The following SERPINB7 variants were observed in gnomAD, a reference collection of about 807,000 sequenced individuals.
The protein encoded by SERPINB7 is serpin B7.
A neutral mutation model predicts 37.4 loss-of-function variants in SERPINB7; 31 were observed. The observed-to-expected ratio is 0.83, with a 90% CI of 0.62 to 1.12. The LOEUF is 1.12. Ranked by LOEUF, SERPINB7 falls within the 50% of genes most tolerant of loss-of-function variation. The pLI is 0.00. For synonymous variants in SERPINB7, 163 were observed against 166.1 expected, an observed-to-expected ratio of 0.98 and a Z score of 0.14; for missense variants, 521 against 455.3, an observed-to-expected ratio of 1.14 and a Z score of -1.31.
chr18:63,782,859 C>T (rs2049315050), intron 2 of SERPINB7, among the ~76,000 whole-genome samples: 1 of 152,108 alleles, frequency 6.6e-6, no homozygotes, highest in Non-Finnish European at 1.5e-5. Flanking sequence ...CAAATGCTGG[C>T]CGGGCGCGGT....
At chr18:63,769,678 C>A (rs559564741) in intron 1 of SERPINB7, among the ~76,000 whole-genome samples, 3 of 152,072 alleles carry the variant, frequency 2.0e-5, no homozygotes, top group Non-Finnish European at 4.4e-5. Flanking sequence ...TGTAGTCCTA[C>A]TCTCATCTGC....
chr18:63,793,413 T>C, intron 4 of SERPINB7, 136 bp downstream of exon 4: 3 of 467,508 alleles, frequency 6.4e-6, no homozygotes, highest in Admixed American at 3.7e-5. Flanking sequence ...CTCAGATGTC[T>C]TGAATATATC....
In SERPINB7 at chr18:63,783,217, AGAGAGAGAGAGAGAG is replaced by A. The variant is rs1568207724; in HGVS notation, c.168+678_168+692del. Among the ~76,000 whole-genome samples the A allele has an allele frequency of 2.5e-3, 190 of 77,436 alleles. 1 individual carries two copies. Among genetic ancestry groups the A allele is most frequent in the South Asian group, 3.8e-3 (7 of 1,848 alleles). The allele number at this position is 77,436 out of a possible 152,430, so 50.8% of individuals were successfully genotyped here. Reference sequence around the variant, plus strand: ...GAGAGAGAGAGAGAGAGAGAGAGAGAGAGAGAGAGAGAGAGAGAAAGAAAGAAAGAAAGAAAGAAA... The same window carrying A: ...GAGAGAGAGAGAGAGAGAGAGAGAGAAGAAAGAAAGAAAGAAAGAAAGAAA... On this transcript the variant is annotated intron_variant, in intron 2 of 7. Coordinates refer to ENST00000398019, the MANE Select transcript of SERPINB7 (RefSeq NM_003784.4).
At chr18:63,776,915 G>A (rs555548754) in intron 1 of SERPINB7, among the ~76,000 whole-genome samples, 2 of 152,062 alleles carry the variant, frequency 1.3e-5, no homozygotes, top group East Asian at 3.9e-4. Context: ...CCCTCTCCAT[G>A]TGTTCAATAT....
intron 2 of SERPINB7, among the ~76,000 whole-genome samples, chr18:63,786,140 T>TACAC (rs71162679): frequency 3.5e-5 from 4 of 115,812 alleles, no homozygotes; most frequent in African/African-American, 1.4e-4. Flanking sequence ...TATATACATA[T>TACAC]ATACACACAC....
At chr18:63,784,534 C>T (rs190029218) in intron 2 of SERPINB7, among the ~76,000 whole-genome samples, 137 of 152,244 alleles carry the variant, frequency 9.0e-4, no homozygotes, top group Middle Eastern at 6.8e-3. Flanking sequence ...ATATAAAGCC[C>T]TTGAAAAACA....
intron 2 of SERPINB7, among the ~76,000 whole-genome samples, chr18:63,792,101 A>G (rs1248037270): frequency 6.6e-6 from 1 of 152,236 alleles, no homozygotes; most frequent in Non-Finnish European, 1.5e-5. Flanking sequence ...TTTAATTGGA[A>G]GCGATATCAC....
Position 63,792,444 on chromosome 18 carries a change from GT to G in SERPINB7, c.219+2del, listed in dbSNP as rs1368832821. On this transcript the variant is annotated splice_donor_variant, in intron 3 of 7. Transcript: ENST00000398019. LOFTEE classifies it high-confidence loss of function. ...ATATGGAAACTCTTCTAATAGTCAGGTAAAGACAATATGTTCTTTTAGAAAA... is the reference window on the plus strand; with the variant it reads ...ATATGGAAACTCTTCTAATAGTCAGGAAAGACAATATGTTCTTTTAGAAAA... 1 of 1,583,874 alleles carries G rather than the reference GT, an allele frequency of 6.3e-7. No homozygotes were observed. The highest frequency in any genetic ancestry group is 1.3e-5 in the African/African-American group (1 of 74,264).
intron 2 of SERPINB7, among the ~76,000 whole-genome samples, chr18:63,786,802 A>G (rs1421369643): frequency 6.6e-6 from 1 of 152,200 alleles, no homozygotes; most frequent in Non-Finnish European, 1.5e-5. Flanking sequence ...TCAGATAGAA[A>G]CACCAAAGAA....
At chr18:63,796,244 A>G (rs981374421) in intron 4 of SERPINB7, 22 bp from the exon 5 acceptor site, 38 of 1,342,894 alleles carry the variant, frequency 2.8e-5, no homozygotes, top group Non-Finnish European at 4.0e-5. Context: ...TGTAAATACG[A>G]GAACTATATT....
chr18:63,798,699 G>T lies in SERPINB7; in HGVS notation c.550G>T (p.Ala184Ser), dbSNP rs772425536. 6.2e-7 allele frequency: 1 copy of T among 1,612,834 alleles called. No individual in the cohort carries two copies. Among genetic ancestry groups the T allele is most frequent in the African/African-American group, 1.3e-5 (1 of 74,798 alleles). ...AVYFKGKWQS[A>S]FTKSETINCH... ...GTACTTCAAAGGCAAGTGGCAATCA[G>T]CCTTCACCAAGAGCGAAACCATAAA... Residue 184 changes from alanine (A) to serine (S), a missense_variant, in exon 6 of 8, where the codon GCC becomes TCC. Physicochemically the swap from Ala to Ser is moderately conservative, Grantham distance 99. Coordinates refer to ENST00000398019, the MANE Select transcript of SERPINB7 (RefSeq NM_003784.4).
At chr18:63,783,370 T>A (rs1235067038) in intron 2 of SERPINB7, among the ~76,000 whole-genome samples, 3 of 152,086 alleles carry the variant, frequency 2.0e-5, no homozygotes, top group African/African-American at 7.2e-5. Flanking sequence ...ACTCTGGGTT[T>A]TAATGAGCTC....
At chr18:63,754,580 A>G (rs537905074) in intron 1 of SERPINB7, among the ~76,000 whole-genome samples, 1 of 151,908 alleles carries the variant, frequency 6.6e-6, no homozygotes, top group Non-Finnish European at 1.5e-5. Context: ...CCCGAGAGAG[A>G]CTCAGGTTAG....
At chr18:63,790,345 G>A (rs555455826) in intron 2 of SERPINB7, among the ~76,000 whole-genome samples, 2 of 152,154 alleles carry the variant, frequency 1.3e-5, no homozygotes, top group South Asian at 2.1e-4. Context: ...AAGCCACCAT[G>A]GTGAGGTTGA....
rs2049118905 is a variant in SERPINB7 at position 63,755,848 on chromosome 18, G to A, written c.-19+2728G>A. ...GTTTGAGGCAGCAATGAGCTGTGAT[G>A]ATGCCACTGTGCCCCAGCCTAGGTA... is the stretch of plus-strand genomic sequence containing the variant. On this transcript the variant is annotated intron_variant, in intron 1 of 7. Coordinates refer to the SERPINB7 transcript ENST00000336429. Among the ~76,000 whole-genome samples the A allele has an allele frequency of 3.3e-5, 5 of 152,134 alleles. No homozygotes were observed. The South Asian group carries it at 1.0e-3, about 32-fold the overall frequency.
chr18:63,761,044 A>C (rs2049150746), intron 1 of SERPINB7, among the ~76,000 whole-genome samples: 1 of 152,188 alleles, frequency 6.6e-6, no homozygotes, highest in Admixed American at 6.5e-5. Flanking sequence ...AGATCCACTG[A>C]CAGCTTGTAC....
chr18:63,762,859 C>G lies in SERPINB7; in HGVS notation c.-19+9739C>G, dbSNP rs113762544. On this transcript the variant is annotated intron_variant, in intron 1 of 7. Coordinates refer to the SERPINB7 transcript ENST00000336429. ...CAATCACCACTATTTGATCATAAAA[C>G]AGGAGTTATATAAATATAACAAGAT... 1.1e-3 allele frequency among the ~76,000 whole-genome samples: 174 copies of G among 152,238 alleles called. 1 individual carries two copies. The highest frequency in any genetic ancestry group is 4.0e-3 in the African/African-American group (168 of 41,540).
At chr18:63,787,491 G>T (rs953410500) in intron 2 of SERPINB7, among the ~76,000 whole-genome samples, 8 of 152,138 alleles carry the variant, frequency 5.3e-5, no homozygotes, top group African/African-American at 1.7e-4. Context: ...TAAGGAGAAT[G>T]ACTTCTGGAT....
At position 63,792,406 on chromosome 18, in the gene SERPINB7, A is replaced by G; in HGVS notation, c.182A>G (p.Asn61Ser). Residue 61 changes from asparagine to serine, a missense_variant, in exon 3 of 8, where the codon AAC (asparagine) becomes AGC (serine). By Grantham distance (46) the Asn-to-Ser change is conservative. Transcript: ENST00000398019. ...CCCTGTTTACAGTTGCTTCATGTTA[A>G]CACTGCCTCAGGATATGGAAACTCT... ...LSQIDKLLHV[N>S]TASGYGNSSN... 6.2e-7 allele frequency: 1 copy of G among 1,604,232 alleles called. No individual in the cohort carries two copies. Among genetic ancestry groups the G allele is most frequent in the Non-Finnish European group, 8.5e-7 (1 of 1,171,142 alleles).
Sources: allele counts gnomAD v4.1 joint callset (sites outside exome capture counted in the v4.1 genomes callset), GRCh38; gene constraint gnomAD v4.1.1; transcripts MANE v1.5; gene names NCBI Gene and HGNC (gene_info 2026-07-23, HGNC 2026-07-21).